POU6F2: variants seen among roughly 807,000 people sequenced by gnomAD.
POU6F2 encodes POU class 6 homeobox 2.
A neutral mutation model predicts 71.3 loss-of-function variants in POU6F2; 31 were observed. The observed-to-expected ratio is 0.43, with a 90% CI of 0.33 to 0.59. The LOEUF (loss-of-function observed/expected upper bound fraction) is 0.59. Ranked by LOEUF, POU6F2 falls within the 20% of genes least tolerant of loss-of-function variation. The probability of loss-of-function intolerance (pLI) is 0.04; values close to 1 mark genes in which losing one functional copy is unlikely to be tolerated. For missense variants in POU6F2, 783 were observed against 856.8 expected (o/e 0.91, Z 1.07); for synonymous variants, 347 against 355.7 (o/e 0.98, Z 0.27).
chr7:39,429,708 A>G (rs916010018), intron 6 of POU6F2, among the ~76,000 whole-genome samples: 1 of 152,186 alleles, frequency 6.6e-6, no homozygotes, highest in African/African-American at 2.4e-5. Flanking sequence ...AAATCCTTCC[A>G]TCAGGACTTC....
chr7:39,152,696 G>A (rs371310717), intron 2 of POU6F2, among the ~76,000 whole-genome samples: 11 of 152,204 alleles, frequency 7.2e-5, no homozygotes, highest in East Asian at 3.9e-4. Context: ...CACCACCAGC[G>A]AGACACACTC....
intron 2 of POU6F2, among the ~76,000 whole-genome samples, chr7:39,133,734 G>T (rs1279410159): frequency 6.6e-6 from 1 of 152,210 alleles, no homozygotes; most frequent in Non-Finnish European, 1.5e-5. Flanking sequence ...TGGCTTGGTA[G>T]ACTGTGCACT....
chr7:39,149,867 G>C (rs577178971), intron 2 of POU6F2, among the ~76,000 whole-genome samples: 1 of 148,026 alleles, frequency 6.8e-6, no homozygotes, highest in Admixed American at 7.0e-5. Flanking sequence ...TCCATTTTGT[G>C]GCAAATGGCA....
At chr7:38,999,572 C>T (rs922806925) in intron 1 of POU6F2, among the ~76,000 whole-genome samples, 2 of 152,110 alleles carry the variant, frequency 1.3e-5, no homozygotes, top group African/African-American at 4.8e-5. Flanking sequence ...TAGGCTTTTT[C>T]CCACCTAAAA....
At chr7:39,241,059 A>T (rs114941068) in intron 4 of POU6F2, among the ~76,000 whole-genome samples, 95 of 152,236 alleles carry the variant, frequency 6.2e-4, no homozygotes, top group African/African-American at 2.2e-3. Context: ...CATTTGCAAC[A>T]TCATGTAACC....
intron 4 of POU6F2, among the ~76,000 whole-genome samples, chr7:39,276,779 A>T (rs952835280): frequency 3.1e-4 from 47 of 152,156 alleles, no homozygotes; most frequent in Non-Finnish European, 1.5e-5. Flanking sequence ...GGAAATCATC[A>T]TTCTCAGTAA....
intron 7 of POU6F2, among the ~76,000 whole-genome samples, chr7:39,435,958 C>T (rs1246750812): frequency 6.6e-6 from 1 of 152,112 alleles, no homozygotes; most frequent in Non-Finnish European, 1.5e-5. Context: ...TTTCTGAGGT[C>T]TCTATTGTGC....
intron 1 of POU6F2, among the ~76,000 whole-genome samples, chr7:39,068,980 G>T (rs957419760): frequency 6.6e-6 from 1 of 152,078 alleles, no homozygotes; most frequent in Admixed American, 6.5e-5. Context: ...ACTCCCCTGG[G>T]GTTCTGATCC....
At chr7:39,189,258 G>C (rs1793607727) in intron 2 of POU6F2, among the ~76,000 whole-genome samples, 2 of 152,192 alleles carry the variant, frequency 1.3e-5, no homozygotes, top group Admixed American at 6.5e-5. Flanking sequence ...CCTGAAGACA[G>C]ACAAAAAACC....
chr7:39,141,948 G>C (rs907477494), intron 2 of POU6F2, among the ~76,000 whole-genome samples: 11 of 152,046 alleles, frequency 7.2e-5, no homozygotes, highest in Admixed American at 2.0e-4. Context: ...TTAGCCAGGT[G>C]GGGTGGCCCA....
rs141515576 is a variant in POU6F2 at position 39,464,866 on chromosome 7, G to A, written c.*180G>A. ...TGGACAGAATGGTTTCTACATGTCC[G>A]TTGGTTTTCCAAAAAGGAAAGAAGA... is the stretch of plus-strand genomic sequence containing the variant. On this transcript the variant is annotated 3_prime_UTR_variant, in exon 10 of 10. Coordinates refer to ENST00000518318, the MANE Select transcript of POU6F2 (RefSeq NM_001370959.1). This position sits in a 1 kb window ranked among gnomAD's most constrained non-coding sequence, Gnocchi z 4.1. The A allele has an allele frequency of 2.3e-5, 20 of 865,028 alleles. No homozygotes were observed. Among genetic ancestry groups the A allele is most frequent in the African/African-American group, 1.4e-4 (8 of 58,814 alleles). 53.6% of individuals were successfully genotyped at this position (865,028 alleles called of 1,614,324 possible).
chr7:39,187,083 A>G (rs539944598), intron 2 of POU6F2, among the ~76,000 whole-genome samples: 11 of 152,240 alleles, frequency 7.2e-5, no homozygotes, highest in Non-Finnish European at 1.3e-4. Flanking sequence ...AGAAACTGCA[A>G]TTATGCAATT....
intron 2 of POU6F2, among the ~76,000 whole-genome samples, chr7:39,163,224 C>A (rs2128737044): frequency 6.6e-6 from 1 of 152,288 alleles, no homozygotes; most frequent in Middle Eastern, 3.4e-3. Flanking sequence ...TCATATCTCC[C>A]AAGAATCATA....
intron 4 of POU6F2, among the ~76,000 whole-genome samples, chr7:39,245,475 A>G (rs942894442): frequency 3.3e-5 from 5 of 152,218 alleles, no homozygotes; most frequent in South Asian, 2.1e-4. Flanking sequence ...CTTGATAGCA[A>G]TATCTACCAG....
At chr7:39,021,643 A>G (rs2128706719) in intron 1 of POU6F2, among the ~76,000 whole-genome samples, 1 of 152,172 alleles carries the variant, frequency 6.6e-6, no homozygotes, top group African/African-American at 2.4e-5. Flanking sequence ...CAAAATGTTT[A>G]CTACAAATTC....
intron 5 of POU6F2, among the ~76,000 whole-genome samples, chr7:39,394,328 T>C (rs933702454): frequency 1.1e-4 from 16 of 152,300 alleles, no homozygotes; most frequent in African/African-American, 3.9e-4. Flanking sequence ...AGCGTTCCCT[T>C]TATATAAAAT....
At chr7:38,987,963 C>T (rs1006212018) in intron 1 of POU6F2, among the ~76,000 whole-genome samples, 1 of 152,074 alleles carries the variant, frequency 6.6e-6, no homozygotes, top group African/African-American at 2.4e-5. Context: ...GACAAGTATG[C>T]TTCATCTGTA....
At chr7:39,265,299 C>T (rs1379022197) in intron 4 of POU6F2, among the ~76,000 whole-genome samples, 1 of 152,116 alleles carries the variant, frequency 6.6e-6, no homozygotes, top group Non-Finnish European at 1.5e-5. Flanking sequence ...CCACCCAGGC[C>T]AGCCTGCCTT....
Position 39,004,022 on chromosome 7 carries a change from G to A in POU6F2, c.105+25964G>A, listed in dbSNP as rs558610310. 3.9e-5 allele frequency among the ~76,000 whole-genome samples: 6 copies of A among 152,056 alleles called. No homozygotes were observed. The South Asian group carries it at 1.0e-3, about 26-fold the overall frequency. On this transcript the variant is annotated intron_variant, in intron 1 of 9. Coordinates refer to ENST00000518318, the MANE Select transcript of POU6F2 (RefSeq NM_001370959.1). The stretch of plus-strand genomic sequence containing the variant: ...TAACTTTTCAATGAATAGACATTCC[G>A]TTTAAAATGAGATATACATATAAAC...
Sources: allele counts gnomAD v4.1 joint callset (sites outside exome capture counted in the v4.1 genomes callset), GRCh38; gene constraint gnomAD v4.1.1; non-coding constraint Gnocchi (gnomAD v3.1); transcripts MANE v1.5; gene names NCBI Gene and HGNC (gene_info 2026-07-23, HGNC 2026-07-21).